SIPA1L1: variants seen among roughly 807,000 people sequenced by gnomAD.
SIPA1L1 encodes signal induced proliferation associated 1 like 1.
In SIPA1L1, 26 loss-of-function variants were observed where a neutral mutation model predicts 162.7. The ratio of observed to expected loss-of-function variants is 0.16; its 90% CI spans 0.12 to 0.22. SIPA1L1 has a LOEUF of 0.22. Ranked by LOEUF, SIPA1L1 falls within the 10% of genes least tolerant of loss-of-function variation. The probability of loss-of-function intolerance (pLI) is 1.00; values close to 1 mark genes in which losing one functional copy is unlikely to be tolerated. For missense variants in SIPA1L1, 1,874 were observed against 2,241.0 expected (o/e 0.84, Z 3.31); for synonymous variants, 829 against 837.4 (o/e 0.99, Z 0.17).
chr14:71,609,791 A>T (rs2037986777), intron 5 of SIPA1L1, among the ~76,000 whole-genome samples: 1 of 151,912 alleles, frequency 6.6e-6, no homozygotes, highest in Admixed American at 6.6e-5. Context: ...ATGGTGTCTC[A>T]CTGTTGCTCA....
chr14:71,422,218 T>C (rs1444339019), intron 2 of SIPA1L1, among the ~76,000 whole-genome samples: 1 of 152,238 alleles, frequency 6.6e-6, no homozygotes, highest in African/African-American at 2.4e-5. Context: ...TCATTTATGA[T>C]GTTATAATTA....
intron 2 of SIPA1L1, among the ~76,000 whole-genome samples, chr14:71,473,464 A>G (rs948652799): frequency 6.6e-6 from 1 of 152,182 alleles, no homozygotes; most frequent in African/African-American, 2.4e-5. Context: ...TTACACAGCT[A>G]GTACTGGCAG....
intron 4 of SIPA1L1, among the ~76,000 whole-genome samples, chr14:71,566,945 T>C (rs2030746714): frequency 6.6e-6 from 1 of 152,200 alleles, no homozygotes; most frequent in African/African-American, 2.4e-5. Flanking sequence ...ATCCATAGTA[T>C]ATAAAGGAAT....
intron 2 of SIPA1L1, among the ~76,000 whole-genome samples, chr14:71,357,837 T>C (rs1369802345): frequency 6.6e-6 from 1 of 152,172 alleles, no homozygotes; most frequent in East Asian, 1.9e-4. Context: ...AAGCAATTCT[T>C]GTGCCTCAGC....
intron 2 of SIPA1L1, among the ~76,000 whole-genome samples, chr14:71,361,140 T>A (rs2037774446): frequency 6.6e-6 from 1 of 152,184 alleles, no homozygotes; most frequent in African/African-American, 2.4e-5. Flanking sequence ...TTATGTAAAT[T>A]TTGCTTTTGC....
At chr14:71,518,887 G>A (rs534547011) in intron 3 of SIPA1L1, among the ~76,000 whole-genome samples, 1 of 152,210 alleles carries the variant, frequency 6.6e-6, no homozygotes, top group Non-Finnish European at 1.5e-5. Context: ...CATGACGGGA[G>A]GCAAAAGGCA....
chr14:71,511,000 A>T (rs763945129), intron 2 of SIPA1L1, among the ~76,000 whole-genome samples: 12 of 152,100 alleles, frequency 7.9e-5, no homozygotes, highest in Non-Finnish European at 1.6e-4. Context: ...TAGTATACTT[A>T]CCATTGATCT....
chr14:71,516,427 C>T (rs2051733773), intron 3 of SIPA1L1, among the ~76,000 whole-genome samples: 1 of 152,128 alleles, frequency 6.6e-6, no homozygotes, highest in African/African-American at 2.4e-5. Context: ...TGCTTTGTTA[C>T]CCATGCTGGA....
At chr14:71,503,980 T>A (rs1022615230) in intron 2 of SIPA1L1, 1 of 151,998 alleles carries the variant, frequency 6.6e-6, no homozygotes, top group Non-Finnish European at 1.5e-5. Flanking sequence ...CTTTTCTGTA[T>A]TTTTTGTAGA....
At chr14:71,670,132 G>C (rs1490271811) in intron 10 of SIPA1L1, among the ~76,000 whole-genome samples, 2 of 152,130 alleles carry the variant, frequency 1.3e-5, no homozygotes, top group Admixed American at 1.3e-4. Flanking sequence ...CGATGTGTTA[G>C]AATCATTTCC....
At chr14:71,664,106 G>T (rs2043786875) in intron 10 of SIPA1L1, among the ~76,000 whole-genome samples, 1 of 152,122 alleles carries the variant, frequency 6.6e-6, no homozygotes, top group African/African-American at 2.4e-5. Flanking sequence ...AATGTTGGGG[G>T]GAGGCAGGGT....
intron 2 of SIPA1L1, among the ~76,000 whole-genome samples, chr14:71,491,748 A>G (rs1361447243): frequency 7.6e-6 from 1 of 131,688 alleles, no homozygotes; most frequent in Admixed American, 8.1e-5. Context: ...TTCAGGCTTA[A>G]TGTTTTATTT....
At position 71,637,405 on chromosome 14, in the gene SIPA1L1, T is replaced by A. The variant is rs372349110; in HGVS notation, c.1819-12930T>A. On this transcript the variant is annotated intron_variant, in intron 7 of 23. Coordinates refer to ENST00000381232, the MANE Select transcript of SIPA1L1 (RefSeq NM_001386936.1). ...CATAATCGTTCTATTTTATAACTAG[T>A]TGTTAATTTCTTACTATGTCTGATT... 2.6e-5 allele frequency among the ~76,000 whole-genome samples: 4 copies of A among 152,172 alleles called. No individual in the cohort carries two copies. In the East Asian group the frequency reaches 5.8e-4, roughly 22 times the overall value.
chr14:71,689,228 A>G (rs1174636736), intron 13 of SIPA1L1, among the ~76,000 whole-genome samples: 2 of 152,234 alleles, frequency 1.3e-5, no homozygotes, highest in Non-Finnish European at 2.9e-5. Context: ...TTCTTTATAC[A>G]TAGTTAAGAG....
In SIPA1L1 at chr14:71,321,198, C is replaced by T. The variant is rs888839561; in HGVS notation, c.-465+17C>T. ...GGCCGAGCGGTAAGTGGTCCCCGCG[C>T]CCGGGTCCTGGGGGGAGCGGGGGTG... On this transcript the variant is annotated intron_variant, in intron 2 of 23. Coordinates refer to ENST00000381232, the MANE Select transcript of SIPA1L1 (RefSeq NM_001386936.1). 1.1e-4 allele frequency: 17 copies of T among 152,186 alleles called. No individual in the cohort carries two copies. The highest frequency in any genetic ancestry group is 3.9e-4 in the African/African-American group (16 of 41,430). 9.4% of individuals were successfully genotyped at this position (152,186 alleles called of 1,614,324 possible).
At chr14:71,410,815 G>T (rs764465324) in intron 2 of SIPA1L1, among the ~76,000 whole-genome samples, 1 of 152,154 alleles carries the variant, frequency 6.6e-6, no homozygotes, top group East Asian at 1.9e-4. Context: ...TGTTCTTTCT[G>T]TGAGAACATT....
intron 2 of SIPA1L1, among the ~76,000 whole-genome samples, chr14:71,344,547 ATCTGTCTGTCTG>A (rs369305460): frequency 1.3e-5 from 2 of 151,732 alleles, no homozygotes; most frequent in Non-Finnish European, 2.9e-5. Flanking sequence ...AAATTTCTCT[ATCTGTCTGTCTG>A]TCTGTCTGTC....
At chr14:71,339,774 A>T (rs975937130) in intron 2 of SIPA1L1, among the ~76,000 whole-genome samples, 4 of 152,146 alleles carry the variant, frequency 2.6e-5, no homozygotes, top group African/African-American at 9.7e-5. Context: ...CTGGTAATTA[A>T]TGTCAGCTAT....
At chr14:71,477,215 G>A (rs1253292866) in intron 2 of SIPA1L1, among the ~76,000 whole-genome samples, 2 of 151,980 alleles carry the variant, frequency 1.3e-5, no homozygotes, top group African/African-American at 4.8e-5. Flanking sequence ...GAGCTGAGAT[G>A]GTGCTACTGC....
Sources: allele counts gnomAD v4.1 joint callset (sites outside exome capture counted in the v4.1 genomes callset), GRCh38; gene constraint gnomAD v4.1.1; transcripts MANE v1.5; gene names NCBI Gene and HGNC (gene_info 2026-07-23, HGNC 2026-07-21).